Variants in SLC9A3 observed in about 807,000 individuals in gnomAD.
The protein encoded by SLC9A3 is sodium/hydrogen exchanger 3.
SLC9A3 carries 37 observed loss-of-function variants against 86.8 expected under a neutral mutation model. The observed-to-expected ratio is 0.43, with a 90% CI of 0.33 to 0.56. SLC9A3 has a LOEUF of 0.56. SLC9A3 is among the 20% of genes least tolerant of loss of function. The pLI is 0.06. For synonymous variants in SLC9A3, 581 were observed against 528.3 expected (o/e 1.10, Z -1.37); for missense variants, 1,011 against 1,171.9 (o/e 0.86, Z 2.00).
At position 473,168 on chromosome 5, in the gene SLC9A3, C is replaced by CGCCCCCGGCGCAGGCCCT; in HGVS notation, c.*210_*211insAGGGCCTGCGCCGGGGGC. On this transcript the variant is annotated 3_prime_UTR_variant, in exon 17 of 17. Transcript: ENST00000264938. ...CCGGCCCCGCCCCCGGCGCAGGCCC[C>CGCCCCCGGCGCAGGCCCT]GCCCCCGGCTCGCCCTCGGGCGGCT... The CGCCCCCGGCGCAGGCCCT allele has an allele frequency of 4.5e-6, 2 of 448,020 alleles. No individual in the cohort carries two copies. Among genetic ancestry groups the CGCCCCCGGCGCAGGCCCT allele is most frequent in the Non-Finnish European group, 6.9e-6 (2 of 288,358 alleles). 27.8% of individuals were successfully genotyped at this position (448,020 alleles called of 1,614,324 possible).
intron 1 of SLC9A3, among the ~76,000 whole-genome samples, chr5:495,192 G>C (rs1421280406): frequency 6.6e-6 from 1 of 152,124 alleles, no homozygotes; most frequent in Non-Finnish European, 1.5e-5. Flanking sequence ...ACTTGGCCCG[G>C]GGTCTTTTTG....
Position 473,179 on chromosome 5 carries a change from C to CAGGCCCCGCCCCCGGCGCAT in SLC9A3, c.*199_*200insATGCGCCGGGGGCGGGGCCT. ...CCCGGCGCAGGCCCCGCCCCCGGCT[C>CAGGCCCCGCCCCCGGCGCAT]GCCCTCGGGCGGCTCTGCGGGCGCA... On this transcript the variant is annotated 3_prime_UTR_variant, in exon 17 of 17. Coordinates refer to ENST00000264938, the MANE Select transcript of SLC9A3 (RefSeq NM_004174.4). 2.0e-6 allele frequency: 1 copy of CAGGCCCCGCCCCCGGCGCAT among 492,770 alleles called. No individual in the cohort carries two copies. Among genetic ancestry groups the CAGGCCCCGCCCCCGGCGCAT allele is most frequent in the Non-Finnish European group, 3.1e-6 (1 of 324,778 alleles). The allele number at this position is 492,770 out of a possible 1,614,324, so 30.5% of individuals were successfully genotyped here.
chr5:511,545 G>A (rs1156348163), intron 1 of SLC9A3, among the ~76,000 whole-genome samples: 1 of 152,206 alleles, frequency 6.6e-6, no homozygotes, highest in Non-Finnish European at 1.5e-5. Context: ...AAATATGCAC[G>A]ACAGCCCATG....
intron 1 of SLC9A3, among the ~76,000 whole-genome samples, chr5:500,886 G>A (rs1740246902): frequency 6.6e-6 from 1 of 151,680 alleles, no homozygotes; most frequent in African/African-American, 2.4e-5. Context: ...GAGTCAGTGT[G>A]GACATGGGGT....
chr5:507,119 A>G (rs1740619610), intron 1 of SLC9A3, among the ~76,000 whole-genome samples: 1 of 143,230 alleles, frequency 7.0e-6, no homozygotes, highest in Admixed American at 7.0e-5. Flanking sequence ...TAAATAAATA[A>G]ATAAAGTTAT....
intron 1 of SLC9A3, among the ~76,000 whole-genome samples, chr5:521,140 T>C (rs2434377): frequency 1 from 152,370 of 152,390 alleles, 76,175 homozygotes; most frequent in Non-Finnish European, 1. Context: ...GCCTCGGCCC[T>C]TGCCTCCCCT....
At chr5:485,703 C>T (rs1579784507) in intron 3 of SLC9A3, among the ~76,000 whole-genome samples, 2 of 152,266 alleles carry the variant, frequency 1.3e-5, no homozygotes, top group Non-Finnish European at 1.5e-5. Flanking sequence ...AAAGTGGTGA[C>T]GCAGGTGAGA....
chr5:482,108 T>G lies in SLC9A3; in HGVS notation c.1406A>C (p.Glu469Ala). ...LVQWLKVKRS[E>A]HREPRLNEKL... The stretch of plus-strand genomic sequence containing the variant: ...CTCGTTGAGCCGAGGTTCCCGGTGC[T>G]CGCTCCTCTTCACCTTCAGCCACTG... The change falls in exon 8 of 17, where the codon GAG becomes GCG. Residue 469 changes from glutamate (E) to alanine (A), a missense_variant. Physicochemically the swap from Glu to Ala is moderately radical, Grantham distance 107. Transcript: ENST00000264938. 1 of 1,605,432 alleles carries G rather than the reference T, an allele frequency of 6.2e-7. No homozygotes were observed. The highest frequency in any genetic ancestry group is 8.5e-7 in the Non-Finnish European group (1 of 1,177,294).
intron 1 of SLC9A3, among the ~76,000 whole-genome samples, chr5:512,002 G>A (rs938577456): frequency 6.6e-5 from 10 of 152,188 alleles, no homozygotes; most frequent in African/African-American, 1.7e-4. Context: ...GAAAGAAGCC[G>A]CTTTGAGAAG....
chr5:517,564 A>G (rs1213853448), intron 1 of SLC9A3, among the ~76,000 whole-genome samples: 1 of 151,078 alleles, frequency 6.6e-6, no homozygotes, highest in African/African-American at 2.4e-5. Flanking sequence ...TCACCCATCC[A>G]TCCATTCACC....
At position 480,382 on chromosome 5, in the gene SLC9A3, C is replaced by T. The variant is rs184505172; in HGVS notation, c.1518-417G>A. 7.6e-4 allele frequency: 123 copies of T among 162,618 alleles called. 1 individual carries two copies. In the South Asian group the frequency reaches 0.017, roughly 22 times the overall value. 10.1% of individuals were successfully genotyped at this position (162,618 alleles called of 1,614,324 possible). A position where few individuals can be genotyped will look rare whatever the true frequency, so the allele number is the denominator to read the frequency against. ...TTTAGCCTAACGGAATTAGAGTATT[C>T]GCTGGTTATCCAGATCAGAAGGGAC... On this transcript the variant is annotated intron_variant, in intron 9 of 16. Transcript: ENST00000264938.
At chr5:506,858 G>A (rs1740603571) in intron 1 of SLC9A3, among the ~76,000 whole-genome samples, 1 of 150,982 alleles carries the variant, frequency 6.6e-6, no homozygotes, top group Admixed American at 6.6e-5. Flanking sequence ...ACAAGGTCAT[G>A]AGATCGAGAC....
At chr5:490,255 T>TG (rs1739671071) in intron 2 of SLC9A3, among the ~76,000 whole-genome samples, 1 of 73,844 alleles carries the variant, frequency 1.4e-5, no homozygotes, top group African/African-American at 6.4e-5. Flanking sequence ...CAGCGATACC[T>TG]GGGACACGTG....
intron 1 of SLC9A3, among the ~76,000 whole-genome samples, chr5:516,197 T>G (rs1418941634): frequency 3.3e-5 from 5 of 150,598 alleles, no homozygotes; most frequent in Admixed American, 6.6e-5. Flanking sequence ...GCTTCCTGAC[T>G]GTCTTTGGTC....
intron 1 of SLC9A3, among the ~76,000 whole-genome samples, chr5:507,163 C>CTTTTTTTTT (rs1740624902): frequency 4.0e-4 from 14 of 34,750 alleles, no homozygotes; most frequent in Non-Finnish European, 6.2e-4. Context: ...CCGGCTGCTG[C>CTTTTTTTTT]TTCTTTTTTT....
rs765243886 is a variant in SLC9A3, at chr5:481,621, G to A, written c.1461C>T (p.Ile487=). Residue 487 remains isoleucine (I), a synonymous_variant, in exon 9 of 17, where the codon ATC becomes ATT. Transcript: ENST00000264938. ...CGGATATGTCCTCGATGGCCGAGAG[G>A]ATGTGGTCGAAAGCCTTTCAAGGGA... The part of the protein sequence containing the change: ...EKLHGRAFDH[I]LSAIEDISGQ... 2.9e-5 allele frequency: 47 copies of A among 1,613,950 alleles called. No individual in the cohort carries two copies. Among genetic ancestry groups the A allele is most frequent in the Non-Finnish European group, 3.9e-5 (46 of 1,179,854 alleles).
Position 479,863 on chromosome 5 carries a change from C to G in SLC9A3, c.1620G>C (p.Leu540=), listed in dbSNP as rs1169232157. The change falls in exon 10 of 17, where the codon CTG becomes CTC. Residue 540 remains leucine, a synonymous_variant. Transcript: ENST00000264938. ...RILNVFHELN[L]KDAISYVAEG... is the part of the protein sequence containing the mutation. ...CAGCCACGTAGCTGATGGCATCCTT[C>G]AGGTTCAGCTCGTGGAAGACATTCA... 6.2e-7 allele frequency: 1 copy of G among 1,613,842 alleles called. No individual in the cohort carries two copies. The highest frequency in any genetic ancestry group is 1.1e-5 in the South Asian group (1 of 91,082).
intron 1 of SLC9A3, among the ~76,000 whole-genome samples, chr5:513,471 C>A (rs7444581): frequency 0.89 from 135,345 of 152,164 alleles, 60,469 homozygotes; most frequent in Non-Finnish European, 0.91. Context: ...GGCCCCTCTG[C>A]GGATGCAGAG....
At chr5:492,798 C>T (rs2126632012) in intron 1 of SLC9A3, among the ~76,000 whole-genome samples, 1 of 152,282 alleles carries the variant, frequency 6.6e-6, no homozygotes, top group Non-Finnish European at 1.5e-5. Flanking sequence ...GAGCCTGCTC[C>T]CACTTGAGGC....
Sources: allele counts gnomAD v4.1 joint callset (sites outside exome capture counted in the v4.1 genomes callset), GRCh38; gene constraint gnomAD v4.1.1; transcripts MANE v1.5; gene names NCBI Gene and HGNC (gene_info 2026-07-23, HGNC 2026-07-21).